ADAMTS3: variants seen among roughly 807,000 people sequenced by gnomAD.
The protein encoded by ADAMTS3 is A disintegrin and metalloproteinase with thrombospondin motifs 3.
In ADAMTS3, 73 loss-of-function variants were observed where a neutral mutation model predicts 129.0. The ratio of observed to expected loss-of-function variants is 0.57; its 90% CI spans 0.47 to 0.69. The LOEUF is 0.69. Ranked by LOEUF, ADAMTS3 falls within the 30% of genes least tolerant of loss-of-function variation. The pLI is 0.00. For synonymous variants in ADAMTS3, 477 were observed against 510.8 expected (o/e 0.93, Z 0.89); for missense variants, 1,457 against 1,514.5 (o/e 0.96, Z 0.63).
Position 72,394,461 on chromosome 4 carries a change from T to G in ADAMTS3, c.661+20354A>C, listed in dbSNP as rs564860967. 2.2e-4 allele frequency among the ~76,000 whole-genome samples: 33 copies of G among 152,316 alleles called. 1 individual carries two copies. In the South Asian group the frequency reaches 6.9e-3, roughly 32 times the overall value. On this transcript the variant is annotated intron_variant, in intron 4 of 21. Transcript: ENST00000286657. Reference sequence around the variant, plus strand: ...CACCATGTCTGACAAAGAAGCTGTCTTAAGTTCATGGGCCTCTGTCTCTTG... The same window carrying G: ...CACCATGTCTGACAAAGAAGCTGTCGTAAGTTCATGGGCCTCTGTCTCTTG...
At chr4:72,510,834 A>C (rs1454501221) in intron 3 of ADAMTS3, among the ~76,000 whole-genome samples, 1 of 150,560 alleles carries the variant, frequency 6.6e-6, no homozygotes, top group Non-Finnish European at 1.5e-5. Context: ...AAAAAAAAAA[A>C]AAAAAAAAAA....
intron 4 of ADAMTS3, among the ~76,000 whole-genome samples, chr4:72,404,008 T>TA (rs1721990263): frequency 6.6e-6 from 1 of 151,886 alleles, no homozygotes; most frequent in Admixed American, 6.6e-5. Flanking sequence ...GCATGAAGAA[T>TA]AAAAAAGAAA....
intron 3 of ADAMTS3, among the ~76,000 whole-genome samples, chr4:72,513,230 C>T (rs1273780200): frequency 2.6e-5 from 4 of 152,126 alleles, no homozygotes; most frequent in African/African-American, 9.7e-5. Context: ...TATTCTATTT[C>T]CCATATTTCT....
chr4:72,382,836 C>T (rs1721329182), intron 4 of ADAMTS3, among the ~76,000 whole-genome samples: 1 of 152,052 alleles, frequency 6.6e-6, no homozygotes, highest in Non-Finnish European at 1.5e-5. Flanking sequence ...AATGGGTATA[C>T]ATGAATCTGG....
Position 72,304,048 on chromosome 4 carries a change from A to C in ADAMTS3, c.2293T>G (p.Leu765Val). The change falls in exon 17 of 22, where the codon TTA (leucine) becomes GTA (valine). Residue 765 changes from leucine (L) to valine (V), a missense_variant. By Grantham distance (32) the Leu-to-Val change is conservative. Transcript: ENST00000286657. ...TTGGCTTCCTCCCCTTTGCCATTTA[A>C]AATATAATGGCCTGTAGCCTGGTTC... ...IKNQATGHYI[L>V]NGKGEEAKSR... The C allele has an allele frequency of 1.2e-6, 2 of 1,613,628 alleles. No homozygotes were observed. The highest frequency in any genetic ancestry group is 1.7e-6 in the Non-Finnish European group (2 of 1,179,672).
At chr4:72,417,781 A>T (rs1378246531) in intron 3 of ADAMTS3, among the ~76,000 whole-genome samples, 1 of 151,466 alleles carries the variant, frequency 6.6e-6, no homozygotes, top group Non-Finnish European at 1.5e-5. Context: ...ATACAAAAAA[A>T]AATTTGCCAG....
chr4:72,475,653 G>A (rs546702497), intron 3 of ADAMTS3, among the ~76,000 whole-genome samples: 1 of 151,556 alleles, frequency 6.6e-6, no homozygotes, highest in East Asian at 1.9e-4. Context: ...CAATCTACAA[G>A]ATCCAGTCAA....
chr4:72,554,565 T>G (rs1463507876), intron 2 of ADAMTS3, among the ~76,000 whole-genome samples: 1 of 148,982 alleles, frequency 6.7e-6, no homozygotes. Flanking sequence ...CATGATGTGC[T>G]GATTCTCCCA....
At chr4:72,372,003 T>C (rs1489249729) in intron 4 of ADAMTS3, among the ~76,000 whole-genome samples, 1 of 152,062 alleles carries the variant, frequency 6.6e-6, no homozygotes, top group African/African-American at 2.4e-5. Flanking sequence ...TATGTGAAAG[T>C]AGCCCACAAT....
At chr4:72,386,650 A>G (rs1721456549) in intron 4 of ADAMTS3, among the ~76,000 whole-genome samples, 1 of 152,214 alleles carries the variant, frequency 6.6e-6, no homozygotes, top group Non-Finnish European at 1.5e-5. Flanking sequence ...CCAGACAAAC[A>G]CACAGAGCAC....
intron 2 of ADAMTS3, among the ~76,000 whole-genome samples, chr4:72,566,256 AT>A (rs377163186): frequency 1.4e-4 from 21 of 152,308 alleles, no homozygotes; most frequent in African/African-American, 5.1e-4. Context: ...TACAGGCTAC[AT>A]ATACACACCT....
At chr4:72,356,381 C>T (rs1474266837) in intron 4 of ADAMTS3, among the ~76,000 whole-genome samples, 1 of 151,732 alleles carries the variant, frequency 6.6e-6, no homozygotes. Context: ...ATATGATATT[C>T]TATTCTATCT....
At chr4:72,524,298 G>A (rs79745157) in intron 3 of ADAMTS3, among the ~76,000 whole-genome samples, 37 of 152,092 alleles carry the variant, frequency 2.4e-4, no homozygotes, top group Non-Finnish European at 4.1e-4. Flanking sequence ...CTTGATACTC[G>A]GAATTGTCAT....
intron 4 of ADAMTS3, among the ~76,000 whole-genome samples, chr4:72,358,302 G>GA (rs894457315): frequency 7.9e-5 from 12 of 151,460 alleles, no homozygotes; most frequent in East Asian, 3.9e-4. Context: ...ATCCTTAAGA[G>GA]AAAAAAAACA....
Position 72,548,670 on chromosome 4 carries a change from A to G in ADAMTS3, c.312T>C (p.Pro104=), listed in dbSNP as rs1721530641. The change falls in exon 3 of 22, where the codon CCT becomes CCC. Residue 104 remains proline (P), a synonymous_variant. Transcript: ENST00000286657. ...TCTCATGCCACTCCACAACAGCCCC[A>G]GGAGCTACTAGTTGAGTGTTGGGCT... is the stretch of plus-strand genomic sequence containing the variant. ...RLKPNTQLVA[P]GAVVEWHETS... is the part of the protein sequence containing the mutation. The G allele has an allele frequency of 6.2e-7, 1 of 1,613,918 alleles. No homozygotes were observed.
chr4:72,391,568 C>G (rs1334403047), intron 4 of ADAMTS3, among the ~76,000 whole-genome samples: 1 of 152,124 alleles, frequency 6.6e-6, no homozygotes, highest in Non-Finnish European at 1.5e-5. Flanking sequence ...ACATTTTAAG[C>G]AGGGACCAAA....
intron 3 of ADAMTS3, among the ~76,000 whole-genome samples, chr4:72,513,933 T>C (rs145785791): frequency 2.0e-5 from 3 of 152,256 alleles, no homozygotes; most frequent in Non-Finnish European, 2.9e-5. Flanking sequence ...GAATATGCAG[T>C]ATTTGGTTTT....
At chr4:72,343,925 C>T (rs187951409) in intron 4 of ADAMTS3, among the ~76,000 whole-genome samples, 5 of 152,054 alleles carry the variant, frequency 3.3e-5, no homozygotes, top group East Asian at 3.9e-4. Flanking sequence ...GGAAAATGTA[C>T]GTTTTTGAAG....
In ADAMTS3 at chr4:72,320,762, G is replaced by A. The variant is rs1719531618; in HGVS notation, c.1054C>T (p.His352Tyr). The A allele has an allele frequency of 6.2e-7, 1 of 1,613,788 alleles. No individual in the cohort carries two copies. Among genetic ancestry groups the A allele is most frequent in the Admixed American group, 1.7e-5 (1 of 59,978 alleles). Residue 352 changes from histidine (H) to tyrosine (Y), a missense_variant, in exon 7 of 22, where the codon CAT (histidine) becomes TAT (tyrosine). By Grantham distance (83) the His-to-Tyr change is moderately conservative. Coordinates refer to ENST00000286657, the MANE Select transcript of ADAMTS3 (RefSeq NM_014243.3). ...SDLNHSEHHD[H>Y]AIFLTRQDFG... ...TCTTGCCTGGTTAAAAAAATTGCATGGTCATGGTGTTCAGAGTGGTTGAGA... is the reference window on the plus strand; with the variant it reads ...TCTTGCCTGGTTAAAAAAATTGCATAGTCATGGTGTTCAGAGTGGTTGAGA...
Sources: allele counts gnomAD v4.1 joint callset (sites outside exome capture counted in the v4.1 genomes callset), GRCh38; gene constraint gnomAD v4.1.1; transcripts MANE v1.5; gene names NCBI Gene and HGNC (gene_info 2026-07-23, HGNC 2026-07-21).